The following RANBP2 variants were observed in gnomAD, a reference collection of about 807,000 sequenced individuals.
The protein encoded by RANBP2 is E3 SUMO-protein ligase RanBP2.
RANBP2 carries 57 observed loss-of-function variants against 303.6 expected under a neutral mutation model. The ratio of observed to expected loss-of-function variants is 0.19; its 90% confidence interval spans 0.15 to 0.23. The LOEUF (loss-of-function observed/expected upper bound fraction) is 0.23, where lower values mean the gene tolerates loss of function less well. Ranked by LOEUF, RANBP2 falls within the 10% of genes least tolerant of loss-of-function variation. RANBP2 has a pLI of 1.00. For synonymous variants in RANBP2, 1,167 were observed against 1,301.5 expected (o/e 0.90, Z 2.23); for missense variants, 3,138 against 3,780.8 (o/e 0.83, Z 4.46).
At chr2:109,436,050 G>A in the RANBP2 span, among the ~76,000 whole-genome samples, 3 of 152,224 alleles carry the variant, frequency 2.0e-5, no homozygotes, top group East Asian at 5.8e-4. Flanking sequence ...CCAGCCACAG[G>A]GAGATGGCTG....
chr2:109,700,484 C>T, the RANBP2 span, among the ~76,000 whole-genome samples: 4 of 152,080 alleles, frequency 2.6e-5, no homozygotes, highest in Admixed American at 1.3e-4. Context: ...GCGGGGAGGG[C>T]GCTTCCAGGT....
chr2:109,090,630 A>G, the RANBP2 span, among the ~76,000 whole-genome samples: 1 of 152,076 alleles, frequency 6.6e-6, no homozygotes, highest in East Asian at 1.9e-4. Flanking sequence ...GTTCTGTCCA[A>G]TCTTGATTTC....
the RANBP2 span, among the ~76,000 whole-genome samples, chr2:109,339,055 G>A: frequency 1.3e-5 from 2 of 152,150 alleles, no homozygotes; most frequent in Admixed American, 1.3e-4. Flanking sequence ...CTCATTAAGT[G>A]GAAGTGGATC....
chr2:109,347,489 G>A, the RANBP2 span, among the ~76,000 whole-genome samples: 76 of 152,116 alleles, frequency 5.0e-4, no homozygotes, highest in Non-Finnish European at 9.9e-4. Context: ...TCTCAGTGGC[G>A]CCTCAGAATG....
At chr2:108,986,986 G>C in the RANBP2 span, among the ~76,000 whole-genome samples, 3 of 152,162 alleles carry the variant, frequency 2.0e-5, no homozygotes, top group Non-Finnish European at 2.9e-5. Context: ...AGCATCAAAG[G>C]AACGAGCAGG....
the RANBP2 span, among the ~76,000 whole-genome samples, chr2:109,045,416 T>C: frequency 1.3e-5 from 2 of 152,186 alleles, no homozygotes. Context: ...CCCAGAGGAC[T>C]GTTAGCCCAG....
the RANBP2 span, among the ~76,000 whole-genome samples, chr2:108,809,511 G>A: frequency 4.7e-5 from 7 of 150,446 alleles, no homozygotes; most frequent in East Asian, 1.4e-3. Flanking sequence ...ATTCATCAGT[G>A]TTTTATAGTT....
At chr2:109,590,513 C>A in the RANBP2 span, among the ~76,000 whole-genome samples, 1 of 151,978 alleles carries the variant, frequency 6.6e-6, no homozygotes, top group Non-Finnish European at 1.5e-5. Context: ...CTCACTGCAA[C>A]CTCTGCCTCC....
the RANBP2 span, among the ~76,000 whole-genome samples, chr2:109,261,992 A>G: frequency 2.0e-5 from 3 of 152,174 alleles, no homozygotes; most frequent in African/African-American, 4.8e-5. Flanking sequence ...ACAAAGCTCT[A>G]TAAAACCAGG....
the RANBP2 span, among the ~76,000 whole-genome samples, chr2:109,212,495 C>G: frequency 6.6e-6 from 1 of 152,210 alleles, no homozygotes; most frequent in East Asian, 1.9e-4. Context: ...GTGAGGCTTT[C>G]CGACAGCTCC....
At chr2:108,849,582 G>A in the RANBP2 span, among the ~76,000 whole-genome samples, 1 of 152,026 alleles carries the variant, frequency 6.6e-6, no homozygotes, top group African/African-American at 2.4e-5. Flanking sequence ...CTTCACACTT[G>A]TTGTGAACGA....
chr2:109,584,245 G>A, the RANBP2 span, among the ~76,000 whole-genome samples: 1 of 152,156 alleles, frequency 6.6e-6, no homozygotes, highest in African/African-American at 2.4e-5. Context: ...GGGAGGCCGA[G>A]GTGGGTAGAT....
the RANBP2 span, among the ~76,000 whole-genome samples, chr2:109,286,345 C>T: frequency 3.3e-5 from 5 of 152,188 alleles, no homozygotes; most frequent in Admixed American, 6.5e-5. Flanking sequence ...GTGCTGCCCA[C>T]GCAGTGGTCA....
chr2:109,191,365 C>T, the RANBP2 span, among the ~76,000 whole-genome samples: 8 of 152,190 alleles, frequency 5.3e-5, no homozygotes, highest in Admixed American at 1.3e-4. Context: ...GCAGTACCAG[C>T]GGAGGTGCTG....
At chr2:109,074,220 T>G in the RANBP2 span, among the ~76,000 whole-genome samples, 1 of 150,106 alleles carries the variant, frequency 6.7e-6, no homozygotes, top group Non-Finnish European at 1.5e-5. Context: ...TACACAAAAT[T>G]TAGCCAGGTG....
At chr2:109,051,751 TC>T in the RANBP2 span, among the ~76,000 whole-genome samples, 927 of 151,816 alleles carry the variant, frequency 6.1e-3, 9 homozygotes, top group African/African-American at 0.021. Flanking sequence ...TTTTCTAAGT[TC>T]TTTTTTTTTT....
At chr2:109,050,204 G>T in the RANBP2 span, among the ~76,000 whole-genome samples, 1 of 152,046 alleles carries the variant, frequency 6.6e-6, no homozygotes, top group Non-Finnish European at 1.5e-5. Context: ...TGTCACTTTG[G>T]ATATAATGGC....
the RANBP2 span, among the ~76,000 whole-genome samples, chr2:109,208,504 T>G: frequency 6.6e-6 from 1 of 152,178 alleles, no homozygotes; most frequent in African/African-American, 2.4e-5. Flanking sequence ...CAGTTACAGC[T>G]AAGCTCCATG....
chr2:109,477,142 C>T, the RANBP2 span, among the ~76,000 whole-genome samples: 103 of 152,290 alleles, frequency 6.8e-4, no homozygotes, highest in African/African-American at 2.4e-3. Flanking sequence ...GTGGTTCAAA[C>T]GCCTCTGACA....
Sources: gnomAD v4.1 joint callset for allele counts (sites outside exome capture counted in the v4.1 genomes callset) on GRCh38, gnomAD v4.1.1 for gene constraint, MANE v1.5 for transcripts, NCBI Gene and HGNC (gene_info 2026-07-23, HGNC 2026-07-21) for gene names.